DMD: variants seen among roughly 807,000 people sequenced by gnomAD.
The protein encoded by DMD is dystrophin.
DMD carries 63 observed loss-of-function variants against 330.1 expected under a neutral mutation model. That is an observed-to-expected ratio of 0.19 (90% CI 0.16 to 0.24). DMD has a LOEUF of 0.24. Among genes scored for constraint, DMD ranks in the 10% least tolerant of loss-of-function variants. The pLI, the probability that DMD is intolerant of heterozygous loss-of-function variation, is 1.00. For missense variants in DMD, 3,344 were observed against 2,684.1 expected (o/e 1.25, Z -5.43); for synonymous variants, 1,223 against 959.8 (o/e 1.27, Z -5.07).
chrX:31,959,493 A>G (rs982187760), intron 45 of DMD, among the ~76,000 whole-genome samples: 1 of 112,007 alleles, frequency 8.9e-6, no homozygotes, highest in Non-Finnish European at 1.9e-5. Context: ...CTTAGAATAT[A>G]CAAGTGGTCA....
chrX:33,128,277 G>C, intron 1 of DMD: 1 of 1,107,775 alleles, frequency 9.0e-7, no homozygotes, highest in African/African-American at 1.8e-5. Context: ...CCTGGAGGTA[G>C]AGTCATAGCC....
Position 32,491,441 on chromosome X carries a change from T to G in DMD, c.2458A>C (p.Ser820Arg), listed in dbSNP as rs751873846. 1.7e-5 allele frequency: 21 copies of G among 1,211,196 alleles called. No homozygotes were observed. Among genetic ancestry groups the G allele is most frequent in the Non-Finnish European group, 2.2e-5 (20 of 895,022 alleles). ...TACTCCAGCCAGTTAAGTCTCTCAC[T>G]TAGCAACTGGCAGAATTCGATCCAC... Reference protein sequence around the residue: ...SRWIEFCQLLSERLNWLEYQN... With the variant: ...SRWIEFCQLLRERLNWLEYQN... The change falls in exon 20 of 79, where the codon AGT becomes CGT. Residue 820 changes from serine to arginine, a missense_variant. Ser to Arg is a moderately radical substitution (Grantham distance 110). Coordinates refer to ENST00000357033, the MANE Select transcript of DMD (RefSeq NM_004006.3).
chrX:31,186,962 C>A (rs1257132557), intron 67 of DMD, among the ~76,000 whole-genome samples: 2 of 112,563 alleles, frequency 1.8e-5, no homozygotes, highest in East Asian at 2.8e-4. Context: ...TGTCCAGATA[C>A]CCCTGTCAAA....
chrX:32,452,346 G>T (rs186487334), intron 26 of DMD, among the ~76,000 whole-genome samples: 1,089 of 9,683 alleles, frequency 0.11, 83 homozygotes, highest in Middle Eastern at 0.19. Flanking sequence ...AAAGGGAAAG[G>T]GAAAGGGAAA....
intron 55 of DMD, among the ~76,000 whole-genome samples, chrX:31,616,302 T>C (rs1045202707): frequency 3.6e-5 from 4 of 111,227 alleles, no homozygotes; most frequent in East Asian, 5.7e-4. Flanking sequence ...CCTTGAAAAG[T>C]AGGTAATGTT....
intron 43 of DMD, among the ~76,000 whole-genome samples, chrX:32,267,156 G>C (rs1303021192): frequency 1.8e-5 from 2 of 112,143 alleles, no homozygotes; most frequent in African/African-American, 3.2e-5. Flanking sequence ...TTTCTTCTCA[G>C]TAAGGGAAGG....
chrX:31,522,363 C>CTCTATATATATA, intron 55 of DMD, among the ~76,000 whole-genome samples: 29 of 35,954 alleles, frequency 8.1e-4, no homozygotes, highest in East Asian at 4.9e-3. Flanking sequence ...CTCTCTCTCT[C>CTCTATATATATA]TATATATATA....
chrX:33,203,546 G>A (rs948632103), intron 1 of DMD, among the ~76,000 whole-genome samples: 1 of 111,380 alleles, frequency 9.0e-6, no homozygotes, highest in African/African-American at 3.3e-5. Context: ...GACACCTAAT[G>A]CTAAAAGTGG....
intron 13 of DMD, among the ~76,000 whole-genome samples, chrX:32,576,996 C>T (rs1375235098): frequency 9.0e-6 from 1 of 111,420 alleles, no homozygotes; most frequent in Non-Finnish European, 1.9e-5. Context: ...GTTACAGGCT[C>T]AATTGTGTCC....
At chrX:31,347,843 TAA>T (rs1008626289) in intron 61 of DMD, among the ~76,000 whole-genome samples, 6 of 112,217 alleles carry the variant, frequency 5.3e-5, no homozygotes, top group African/African-American at 1.6e-4. Context: ...ATCAACACTG[TAA>T]AAGAGTTCCC....
intron 62 of DMD, among the ~76,000 whole-genome samples, chrX:31,305,985 CTGT>C (rs752976124): frequency 2.2e-4 from 25 of 111,754 alleles, no homozygotes; most frequent in Non-Finnish European, 3.2e-4. Context: ...ATATTTTTTG[CTGT>C]TGTTGTTGTT....
At chrX:32,705,371 T>C (rs1296514226) in intron 7 of DMD, among the ~76,000 whole-genome samples, 1 of 112,304 alleles carries the variant, frequency 8.9e-6, no homozygotes, top group East Asian at 2.8e-4. Flanking sequence ...AATTTCATCA[T>C]AAAATTAATA....
At chrX:32,760,684 T>C (rs1000069433) in intron 7 of DMD, among the ~76,000 whole-genome samples, 8 of 111,864 alleles carry the variant, frequency 7.2e-5, no homozygotes, top group African/African-American at 1.9e-4. Flanking sequence ...CATATTCAGG[T>C]TTACTTGCAA....
intron 50 of DMD, among the ~76,000 whole-genome samples, chrX:31,790,256 G>A (rs17338737): frequency 0.19 from 21,296 of 110,310 alleles, 1,607 homozygotes; most frequent in East Asian, 0.42. Context: ...TCAATCTGAC[G>A]TAAAAGTGGA....
chrX:31,316,006 G>C, intron 62 of DMD, among the ~76,000 whole-genome samples: 1 of 112,154 alleles, frequency 8.9e-6, no homozygotes, highest in Non-Finnish European at 1.9e-5. Context: ...GCTGAGAGTG[G>C]TCCCAGGCAT....
intron 2 of DMD, among the ~76,000 whole-genome samples, chrX:32,882,150 C>A (rs1156699323): frequency 8.9e-6 from 1 of 111,930 alleles, no homozygotes; most frequent in Non-Finnish European, 1.9e-5. Flanking sequence ...GCCTCAGTCC[C>A]ATTGGGCCCT....
At chrX:33,263,669 T>C (rs779574496) in intron 1 of DMD, among the ~76,000 whole-genome samples, 1 of 109,269 alleles carries the variant, frequency 9.2e-6, no homozygotes, top group South Asian at 3.8e-4. Context: ...CAAATATCTA[T>C]AAAAAGATGA....
At chrX:32,346,465 A>G (rs1014426721) in intron 38 of DMD, among the ~76,000 whole-genome samples, 2 of 111,553 alleles carry the variant, frequency 1.8e-5, no homozygotes, top group African/African-American at 6.5e-5. Context: ...CTGATCCATA[A>G]AGGAATACAG....
intron 16 of DMD, among the ~76,000 whole-genome samples, chrX:32,552,142 C>G (rs1382727640): frequency 1.1e-4 from 12 of 111,644 alleles, no homozygotes. Flanking sequence ...TCAGTTGGAG[C>G]CACTAAAAGA....
Sources: gnomAD v4.1 joint callset for allele counts (sites outside exome capture counted in the v4.1 genomes callset) on GRCh38, gnomAD v4.1.1 for gene constraint, MANE v1.5 for transcripts, NCBI Gene and HGNC (gene_info 2026-07-23, HGNC 2026-07-21) for gene names.